LEPROTL1: variants seen among roughly 807,000 people sequenced by gnomAD.
The protein encoded by LEPROTL1 is leptin receptor overlapping transcript like 1, also known as leptin receptor overlapping transcript-like 1.
LEPROTL1 carries 6 observed loss-of-function variants against 15.4 expected under a neutral mutation model. The observed-to-expected ratio is 0.39, with a 90% CI of 0.21 to 0.77. LEPROTL1 has a LOEUF of 0.77. Among genes scored for constraint, LEPROTL1 ranks in the 30% least tolerant of loss-of-function variants. The pLI is 0.41. For missense variants in LEPROTL1, 128 were observed against 158.1 expected (o/e 0.81, Z 1.02); for synonymous variants, 56 against 52.6 (o/e 1.06, Z -0.28).
At chr8:30,112,987 T>G (rs1438879185), downstream of LEPROTL1, among the ~76,000 whole-genome samples, 1 of 151,624 alleles carries the variant, frequency 6.6e-6, no homozygotes, top group East Asian at 1.9e-4. Flanking sequence ...ATACCCTTTT[T>G]GGCCAGGTGC....
At chr8:30,134,838 G>GCTC (rs1040356558) in intron 4 of LEPROTL1, among the ~76,000 whole-genome samples, 1 of 151,880 alleles carries the variant, frequency 6.6e-6, no homozygotes, top group African/African-American at 2.4e-5. Flanking sequence ...GTGAGCCACT[G>GCTC]CTCCCAGCCA....
At chr8:30,129,032 C>A (rs1802950510) in intron 3 of LEPROTL1, among the ~76,000 whole-genome samples, 1 of 152,044 alleles carries the variant, frequency 6.6e-6, no homozygotes, top group African/African-American at 2.4e-5. Flanking sequence ...AAGTATAGAA[C>A]CCTTCTGGTT....
Position 30,107,350 on chromosome 8 carries a change from T to C in LEPROTL1, c.*1488T>C. The C allele has an allele frequency of 1.0e-6, 1 of 985,772 alleles. No individual in the cohort carries two copies. Among genetic ancestry groups the C allele is most frequent in the African/African-American group, 1.7e-5 (1 of 57,354 alleles). The allele number at this position is 985,772 out of a possible 1,614,324, so 61.1% of individuals were successfully genotyped here. ...TGGGTTATAAAAACATTCAAGTTGG[T>C]CTGACAGTATTTTGTTAAGGATATT... On this transcript the variant is annotated 3_prime_UTR_variant, in exon 4 of 4. Coordinates refer to ENST00000321250, the MANE Select transcript of LEPROTL1 (RefSeq NM_015344.3).
At chr8:30,119,935 G>A (rs1299829125) in intron 3 of LEPROTL1, among the ~76,000 whole-genome samples, 11 of 152,094 alleles carry the variant, frequency 7.2e-5, no homozygotes, top group Non-Finnish European at 1.3e-4. Flanking sequence ...AGAGCGTGGT[G>A]GCGTATGCTT....
At chr8:30,128,277 AAAG>A (rs1222725821) in intron 3 of LEPROTL1, among the ~76,000 whole-genome samples, 2 of 152,216 alleles carry the variant, frequency 1.3e-5, no homozygotes, top group Non-Finnish European at 2.9e-5. Flanking sequence ...GCAAATAGAA[AAAG>A]AAGGAAGCAG....
chr8:30,133,786 C>CT (rs1803077746), intron 4 of LEPROTL1, among the ~76,000 whole-genome samples: 1 of 30,318 alleles, frequency 3.3e-5, no homozygotes, highest in Non-Finnish European at 8.3e-5. Flanking sequence ...GAGACCCTGT[C>CT]TCAAAAAAAA....
At chr8:30,108,981 T>A (rs1293010702), downstream of LEPROTL1, among the ~76,000 whole-genome samples, 1 of 151,820 alleles carries the variant, frequency 6.6e-6, no homozygotes, top group Non-Finnish European at 1.5e-5. Flanking sequence ...GCCACGCTGG[T>A]CTCAAACTCC....
At chr8:30,127,960 TTGGAAG>T (rs1474378104) in intron 3 of LEPROTL1, among the ~76,000 whole-genome samples, 2 of 151,958 alleles carry the variant, frequency 1.3e-5, no homozygotes, top group Non-Finnish European at 2.9e-5. Flanking sequence ...GGGCAGAGTC[TTGGAAG>T]TAATAGAGTG....
chr8:30,104,313 C>T lies in LEPROTL1; in HGVS notation c.106C>T (p.Leu36Phe). The change falls in exon 3 of 4, where the codon CTC becomes TTC. Residue 36 changes from leucine to phenylalanine, a missense_variant. Leu to Phe is a conservative substitution (Grantham distance 22). Transcript: ENST00000321250. ...TTCTTTTTCTAGCAAATACTGGCCCCTCTTTGTTCTATTTTTTTACATCCT... is the reference window on the plus strand; with the variant it reads ...TTCTTTTTCTAGCAAATACTGGCCCTTCTTTGTTCTATTTTTTTACATCCT... The part of the protein sequence containing the change: ...ALPIYNKYWP[L>F]FVLFFYILSP... 1 of 1,517,126 alleles carries T rather than the reference C, an allele frequency of 6.6e-7. No individual in the cohort carries two copies. Among genetic ancestry groups the T allele is most frequent in the Non-Finnish European group, 8.9e-7 (1 of 1,128,162 alleles). The allele number at this position is 1,517,126 out of a possible 1,614,324, so 94.0% of individuals were successfully genotyped here. A position where few individuals can be genotyped will look rare whatever the true frequency, so the allele number is the denominator to read the frequency against.
rs769704585 is a variant in LEPROTL1 at position 30,130,863 on chromosome 8, TCCACA to T, written c.280-1509_280-1505del. ...GGTGTGATCTCGGCTTACTACAACCTCCACACCCTGGATTCAAGCGATTCTCCTGC... is the reference window on the plus strand; with the variant it reads ...GGTGTGATCTCGGCTTACTACAACCTCCCTGGATTCAAGCGATTCTCCTGC... On this transcript the variant is annotated intron_variant, in intron 3 of 4. Transcript: ENST00000442880. Among the ~76,000 whole-genome samples, 41 of 147,928 alleles carry T rather than the reference TCCACA, an allele frequency of 2.8e-4. 1 individual carries two copies. The East Asian group carries it at 6.6e-3, about 24-fold the overall frequency.
intron 1 of LEPROTL1, among the ~76,000 whole-genome samples, chr8:30,100,162 C>T (rs978420465): frequency 1.3e-5 from 2 of 152,178 alleles, no homozygotes; most frequent in African/African-American, 4.8e-5. Flanking sequence ...TAACCAAAAA[C>T]CAAATCTGCC....
At chr8:30,131,296 A>ATATATG (rs367717206) in intron 3 of LEPROTL1, among the ~76,000 whole-genome samples, 82 of 123,912 alleles carry the variant, frequency 6.6e-4, no homozygotes, top group Middle Eastern at 4.3e-3. Flanking sequence ...ATATATATAT[A>ATATATG]TGTGTGTGTG....
chr8:30,116,851 T>C (rs906067700), intron 3 of LEPROTL1, among the ~76,000 whole-genome samples: 2 of 152,170 alleles, frequency 1.3e-5, no homozygotes, highest in Non-Finnish European at 2.9e-5. Flanking sequence ...ACCTACTACT[T>C]GTGATTGCAT....
Position 30,106,804 on chromosome 8 carries a change from C to T in LEPROTL1, c.*942C>T. The T allele has an allele frequency of 1.0e-6, 1 of 984,716 alleles. No homozygotes were observed. The highest frequency in any genetic ancestry group is 1.2e-6 in the Non-Finnish European group (1 of 828,982). 61.0% of individuals were successfully genotyped at this position (984,716 alleles called of 1,614,324 possible). On this transcript the variant is annotated 3_prime_UTR_variant, in exon 4 of 4. Transcript: ENST00000321250. ...CAGTTGTATGTTTGCATCATATATG[C>T]CAGAAAACCTTCCTCTGCTTCCTCC...
intron 3 of LEPROTL1, chr8:30,132,271 A>G (rs1174092096): frequency 6.4e-6 from 10 of 1,551,660 alleles, no homozygotes; most frequent in East Asian, 4.9e-5. Context: ...TGTCTGCAAC[A>G]ACGGCCAAGC....
intron 3 of LEPROTL1, chr8:30,117,338 TTGTC>T: frequency 1.1e-6 from 1 of 878,800 alleles, no homozygotes; most frequent in South Asian, 1.5e-5. Flanking sequence ...TTTTTTTTAA[TTGTC>T]TGTGAGGCAT....
chr8:30,128,170 T>C (rs1802936259), intron 3 of LEPROTL1, among the ~76,000 whole-genome samples: 3 of 152,192 alleles, frequency 2.0e-5, no homozygotes, highest in African/African-American at 7.2e-5. Context: ...TGGCTCCGAC[T>C]TCTTTCCTTA....
At chr8:30,095,855 A>T (rs1042125367) in intron 1 of LEPROTL1, 3 of 701,784 alleles carry the variant, frequency 4.3e-6, no homozygotes, top group Non-Finnish European at 7.8e-6. Context: ...GGACGGCCAC[A>T]CACGTTTTGC....
intron 4 of LEPROTL1, chr8:30,132,677 C>G (rs1312250908): frequency 6.4e-7 from 1 of 1,551,608 alleles, no homozygotes; most frequent in Non-Finnish European, 8.7e-7. Context: ...GCACTGGACC[C>G]TTGAACACGA....
Sources: allele counts gnomAD v4.1 joint callset (sites outside exome capture counted in the v4.1 genomes callset), GRCh38; gene constraint gnomAD v4.1.1; transcripts MANE v1.5; gene names NCBI Gene and HGNC (gene_info 2026-07-23, HGNC 2026-07-21).